NELL1: variants seen among roughly 807,000 people sequenced by gnomAD.
NELL1 encodes protein kinase C-binding protein NELL1.
In NELL1, 76 loss-of-function variants were observed where a neutral mutation model predicts 107.4. The observed-to-expected ratio is 0.71, with a 90% CI of 0.59 to 0.86. The LOEUF (loss-of-function observed/expected upper bound fraction) is 0.86. Ranked by LOEUF, NELL1 falls within the 40% of genes least tolerant of loss-of-function variation. The pLI is 0.00. For missense variants in NELL1, 1,024 were observed against 1,005.5 expected (o/e 1.02, Z -0.25); for synonymous variants, 353 against 341.2 (o/e 1.03, Z -0.38).
intron 14 of NELL1, among the ~76,000 whole-genome samples, chr11:21,252,465 C>T (rs1402437501): frequency 6.6e-6 from 1 of 152,032 alleles, no homozygotes; most frequent in South Asian, 2.1e-4. Flanking sequence ...TTTGACCATG[C>T]GTAAGTTTCT....
At chr11:20,813,746 G>C (rs1197836818) in intron 3 of NELL1, among the ~76,000 whole-genome samples, 1 of 152,128 alleles carries the variant, frequency 6.6e-6, no homozygotes, top group East Asian at 1.9e-4. Flanking sequence ...TGAATCTTGA[G>C]CTAAAAACTG....
At chr11:20,678,429 CT>C (rs1590199014) in intron 2 of NELL1, among the ~76,000 whole-genome samples, 1 of 152,308 alleles carries the variant, frequency 6.6e-6, no homozygotes, top group East Asian at 1.9e-4. Context: ...CATCTTTCAT[CT>C]AGTGGATAGG....
intron 13 of NELL1, among the ~76,000 whole-genome samples, chr11:21,115,750 A>G (rs1855221177): frequency 6.6e-6 from 1 of 151,968 alleles, no homozygotes; most frequent in African/African-American, 2.4e-5. Context: ...TGGGGACCAC[A>G]GAGGTAACCA....
chr11:20,669,906 T>C lies in NELL1; in HGVS notation c.55+128T>C. ...AACGGCGGTAGCGTGGACCGGTTCC[T>C]GGGATCTCTTTGCCCTGCTCGGAGT... On this transcript the variant is annotated intron_variant, in intron 1 of 19. Coordinates refer to ENST00000357134, the MANE Select transcript of NELL1 (RefSeq NM_006157.5). The surrounding 1 kb of genome is among the most constrained non-coding windows in gnomAD (Gnocchi z 4.4). 1 of 760,726 alleles carries C rather than the reference T, an allele frequency of 1.3e-6. No homozygotes were observed. Among genetic ancestry groups the C allele is most frequent in the Non-Finnish European group, 2.3e-6 (1 of 431,884 alleles). 47.1% of individuals were successfully genotyped at this position (760,726 alleles called of 1,614,324 possible). A position where few individuals can be genotyped will look rare whatever the true frequency, so the allele number is the denominator to read the frequency against.
At chr11:21,471,746 T>C (rs1184914785) in intron 15 of NELL1, among the ~76,000 whole-genome samples, 1 of 152,024 alleles carries the variant, frequency 6.6e-6, no homozygotes, top group Non-Finnish European at 1.5e-5. Flanking sequence ...CATGAGATAC[T>C]AAATAAGTTC....
At chr11:21,373,429 A>G (rs941265681) in intron 15 of NELL1, among the ~76,000 whole-genome samples, 3 of 152,124 alleles carry the variant, frequency 2.0e-5, no homozygotes, top group African/African-American at 4.8e-5. Context: ...GCATGATTAC[A>G]CTAAATCTTT....
chr11:21,319,861 A>C (rs765873684), intron 14 of NELL1, among the ~76,000 whole-genome samples: 18 of 152,086 alleles, frequency 1.2e-4, no homozygotes, highest in Non-Finnish European at 2.2e-4. Context: ...ATAACTGTTA[A>C]ATCTGTCAGC....
chr11:20,673,354 A>C (rs1853968520), intron 1 of NELL1, among the ~76,000 whole-genome samples: 1 of 152,174 alleles, frequency 6.6e-6, no homozygotes, highest in South Asian at 2.1e-4. Context: ...CAGGGGCCCA[A>C]ACCTGATTAA....
chr11:21,311,856 A>G (rs1371642587), intron 14 of NELL1, among the ~76,000 whole-genome samples: 1 of 152,184 alleles, frequency 6.6e-6, no homozygotes, highest in African/African-American at 2.4e-5. Context: ...TCTCCTCTCA[A>G]AATAAATATG....
At chr11:20,895,567 G>A (rs944654096) in intron 5 of NELL1, among the ~76,000 whole-genome samples, 6 of 145,676 alleles carry the variant, frequency 4.1e-5, no homozygotes, top group Admixed American at 7.1e-5. Context: ...GTGCAGTGGC[G>A]CGATCTTGGC....
intron 12 of NELL1, among the ~76,000 whole-genome samples, chr11:21,078,541 G>A (rs1303290278): frequency 6.6e-6 from 1 of 152,088 alleles, no homozygotes; most frequent in Non-Finnish European, 1.5e-5. Flanking sequence ...GCAACCGCAA[G>A]GGAAAATGAA....
intron 1 of NELL1, among the ~76,000 whole-genome samples, chr11:20,671,963 G>A (rs1442162468): frequency 6.6e-6 from 1 of 152,182 alleles, no homozygotes; most frequent in African/African-American, 2.4e-5. Flanking sequence ...TTCAGCAAAG[G>A]CAGGGAAGCA....
intron 12 of NELL1, among the ~76,000 whole-genome samples, chr11:21,043,709 G>A (rs1436813489): frequency 2.0e-5 from 3 of 152,136 alleles, no homozygotes; most frequent in Non-Finnish European, 4.4e-5. Context: ...TGGAGATTGG[G>A]TGGTTGCTGT....
At chr11:20,943,834 G>C (rs1294724503) in intron 10 of NELL1, among the ~76,000 whole-genome samples, 1 of 152,110 alleles carries the variant, frequency 6.6e-6, no homozygotes, top group South Asian at 2.1e-4. Flanking sequence ...ATTTTAGAGG[G>C]GTAGATTGAG....
intron 15 of NELL1, among the ~76,000 whole-genome samples, chr11:21,424,298 T>C (rs1303644199): frequency 2.0e-5 from 3 of 152,066 alleles, no homozygotes; most frequent in Non-Finnish European, 4.4e-5. Context: ...ACCAATTTAA[T>C]AGAAATAAAG....
At chr11:21,305,108 C>G (rs1438258413) in intron 14 of NELL1, among the ~76,000 whole-genome samples, 1 of 151,808 alleles carries the variant, frequency 6.6e-6, no homozygotes, top group Admixed American at 6.6e-5. Flanking sequence ...GTTAGTGGAC[C>G]AAAATTCTAG....
At chr11:21,507,787 CTTT>C (rs201588738) in intron 15 of NELL1, among the ~76,000 whole-genome samples, 1 of 144,594 alleles carries the variant, frequency 6.9e-6, no homozygotes, top group African/African-American at 2.5e-5. Flanking sequence ...CTTTTCTTTT[CTTT>C]TTTTTTTTTG....
At chr11:21,497,077 G>A (rs992581645) in intron 15 of NELL1, among the ~76,000 whole-genome samples, 7 of 146,886 alleles carry the variant, frequency 4.8e-5, no homozygotes, top group African/African-American at 7.6e-5. Context: ...GAATAGTGCC[G>A]CAATAAGCAT....
intron 14 of NELL1, among the ~76,000 whole-genome samples, chr11:21,356,045 AC>A (rs1195206928): frequency 2.0e-5 from 3 of 151,766 alleles, no homozygotes; most frequent in Non-Finnish European, 4.4e-5. Context: ...GTTATATGTC[AC>A]CCTATTTAAT....
Sources: allele counts gnomAD v4.1 joint callset (sites outside exome capture counted in the v4.1 genomes callset), GRCh38; gene constraint gnomAD v4.1.1; non-coding constraint Gnocchi (gnomAD v3.1); transcripts MANE v1.5; gene names NCBI Gene and HGNC (gene_info 2026-07-23, HGNC 2026-07-21).